The following FANCC variants were observed in gnomAD, a reference collection of about 807,000 sequenced individuals.
FANCC encodes the protein FA complementation group C.
FANCC carries 55 observed loss-of-function variants against 71.3 expected under a neutral mutation model. That is an observed-to-expected ratio of 0.77 (90% CI 0.62 to 0.97). The LOEUF is 0.97. FANCC is among the 50% of genes least tolerant of loss of function. The pLI is 0.00. For missense variants in FANCC, 678 were observed against 670.9 expected, an observed-to-expected ratio of 1.01 and a Z score of -0.12; for synonymous variants, 275 against 244.9, an observed-to-expected ratio of 1.12 and a Z score of -1.15.
chr9:95,223,666 C>T (rs1450387754), intron 4 of FANCC, among the ~76,000 whole-genome samples: 1 of 152,164 alleles, frequency 6.6e-6, no homozygotes, highest in East Asian at 1.9e-4. Flanking sequence ...CAGTCTTCAC[C>T]AAACCATTCC....
chr9:95,118,153 G>T (rs543303357), intron 10 of FANCC, among the ~76,000 whole-genome samples: 1 of 152,096 alleles, frequency 6.6e-6, no homozygotes, highest in Non-Finnish European at 1.5e-5. Context: ...TGAGTAGCCG[G>T]GATTACAGGC....
intron 8 of FANCC, 48 bp downstream of exon 8, chr9:95,135,298 A>G: frequency 6.3e-7 from 1 of 1,579,754 alleles, no homozygotes; most frequent in Non-Finnish European, 8.7e-7. Flanking sequence ...AAATGATTCC[A>G]AGCATCTCCT....
intron 7 of FANCC, among the ~76,000 whole-genome samples, chr9:95,136,426 T>A (rs1827706760): frequency 6.6e-6 from 1 of 151,920 alleles, no homozygotes; most frequent in Non-Finnish European, 1.5e-5. Flanking sequence ...TATGGCCTAG[T>A]TGATGCACTG....
chr9:95,111,111 A>G, intron 13 of FANCC: 1 of 1,524,798 alleles, frequency 6.6e-7, no homozygotes, highest in South Asian at 1.2e-5. Context: ...TGCTGCCGGC[A>G]CACCCCTCAG....
chr9:95,177,597 T>C (rs1376926196), intron 4 of FANCC, among the ~76,000 whole-genome samples: 1 of 152,260 alleles, frequency 6.6e-6, no homozygotes, highest in Non-Finnish European at 1.5e-5. Context: ...AAACACATTG[T>C]ACAGCGGTAC....
intron 4 of FANCC, among the ~76,000 whole-genome samples, chr9:95,197,811 A>G (rs1052775841): frequency 6.6e-6 from 1 of 152,194 alleles, no homozygotes; most frequent in Non-Finnish European, 1.5e-5. Flanking sequence ...TACCAGGCAG[A>G]AGGCCAAGAA....
chr9:95,315,352 G>A (rs1482230686), intron 1 of FANCC, among the ~76,000 whole-genome samples: 1 of 152,196 alleles, frequency 6.6e-6, no homozygotes, highest in East Asian at 1.9e-4. Context: ...AGCCTCCCGA[G>A]TAACTGGGAC....
chr9:95,106,859 G>A (rs1305716678), intron 14 of FANCC, among the ~76,000 whole-genome samples: 1 of 152,172 alleles, frequency 6.6e-6, no homozygotes, highest in Non-Finnish European at 1.5e-5. Flanking sequence ...CTGTCTCTGA[G>A]CCTCTGTTTT....
At chr9:95,221,375 A>C (rs900449196) in intron 4 of FANCC, among the ~76,000 whole-genome samples, 2 of 152,242 alleles carry the variant, frequency 1.3e-5, no homozygotes, top group Non-Finnish European at 2.9e-5. Context: ...TAAATGTAAA[A>C]AGTAACACAT....
intron 2 of FANCC, among the ~76,000 whole-genome samples, chr9:95,248,776 A>G (rs183263713): frequency 6.6e-6 from 1 of 152,268 alleles, no homozygotes; most frequent in African/African-American, 2.4e-5. Flanking sequence ...ACTTGACAAG[A>G]GGGTTGAAGA....
At chr9:95,175,702 T>C (rs1825972394) in intron 4 of FANCC, among the ~76,000 whole-genome samples, 1 of 152,232 alleles carries the variant, frequency 6.6e-6, no homozygotes, top group Non-Finnish European at 1.5e-5. Context: ...CCACTGAACT[T>C]GCGAAGGCGG....
chr9:95,197,297 G>A (rs1827515546), intron 4 of FANCC, among the ~76,000 whole-genome samples: 1 of 152,198 alleles, frequency 6.6e-6, no homozygotes, highest in East Asian at 1.9e-4. Context: ...AGCACCTTGA[G>A]AGGCCGAGGT....
chr9:95,244,349 G>C (rs985492043), intron 3 of FANCC, among the ~76,000 whole-genome samples: 3 of 152,190 alleles, frequency 2.0e-5, no homozygotes, highest in African/African-American at 7.2e-5. Flanking sequence ...GGCAGAGACA[G>C]TGAGCCGCGT....
In FANCC at chr9:95,125,180, G is replaced by T. The variant is rs553689536; in HGVS notation, c.902C>A (p.Ala301Glu). 19 of 1,613,504 alleles carry T rather than the reference G, an allele frequency of 1.2e-5. No individual in the cohort carries two copies. In the South Asian group the frequency reaches 2.1e-4, roughly 18 times the overall value. ...CAGGGCCCCATCGGTTTCCAGGAGT[G>T]CACACCTGAACAATGCAAAGTCAGA... ...FRVVDEMFRC[A>E]LLETDGALEI... The change falls in exon 10 of 15, where the codon GCA (alanine) becomes GAA (glutamate). Residue 301 changes from alanine (A) to glutamate (E), a missense_variant. By Grantham distance (107) the Ala-to-Glu change is moderately radical. Transcript: ENST00000289081.
chr9:95,233,262 G>GA (rs1222682230), intron 4 of FANCC, among the ~76,000 whole-genome samples: 1 of 151,368 alleles, frequency 6.6e-6, no homozygotes, highest in Non-Finnish European at 1.5e-5. Context: ...AACGCAGGTA[G>GA]AAAAAAAATA....
intron 1 of FANCC, 74 bp from the exon 2 acceptor site, chr9:95,249,443 TGAA>T: frequency 2.8e-6 from 2 of 721,052 alleles, no homozygotes; most frequent in Non-Finnish European, 4.8e-6. Flanking sequence ...CATTGATGGG[TGAA>T]GGAGGGATTA....
intron 4 of FANCC, among the ~76,000 whole-genome samples, chr9:95,175,388 T>G (rs1825950389): frequency 6.6e-6 from 1 of 152,174 alleles, no homozygotes; most frequent in South Asian, 2.1e-4. Flanking sequence ...AACAGGAACC[T>G]TACAGAGTTA....
chr9:95,297,896 T>C (rs1834481295), intron 1 of FANCC, among the ~76,000 whole-genome samples: 1 of 152,204 alleles, frequency 6.6e-6, no homozygotes, highest in Admixed American at 6.5e-5. Flanking sequence ...TTACCAAGAC[T>C]GTCACCCTGC....
At chr9:95,261,758 G>C (rs979840062) in intron 1 of FANCC, among the ~76,000 whole-genome samples, 1 of 152,180 alleles carries the variant, frequency 6.6e-6, no homozygotes, top group African/African-American at 2.4e-5. Flanking sequence ...CCTATGCAGA[G>C]GGGACTAAAG....
Sources: gnomAD v4.1 joint callset for allele counts (sites outside exome capture counted in the v4.1 genomes callset) on GRCh38, gnomAD v4.1.1 for gene constraint, MANE v1.5 for transcripts, NCBI Gene and HGNC (gene_info 2026-07-23, HGNC 2026-07-21) for gene names.